The following GALNTL6 variants were observed in gnomAD, a reference collection of about 807,000 sequenced individuals.
GALNTL6 encodes polypeptide N-acetylgalactosaminyltransferase like 6.
In GALNTL6, 46 loss-of-function variants were observed where a neutral mutation model predicts 73.7. The observed-to-expected ratio is 0.62, with a 90% CI of 0.49 to 0.80. The LOEUF (loss-of-function observed/expected upper bound fraction) is 0.80, where lower values mean the gene tolerates loss of function less well. Among genes scored for constraint, GALNTL6 ranks in the 30% least tolerant of loss-of-function variants. GALNTL6 has a pLI of 0.00. For missense variants in GALNTL6, 604 were observed against 755.0 expected (o/e 0.80, Z 2.34); for synonymous variants, 259 against 263.7 (o/e 0.98, Z 0.17).
At chr4:172,770,226 A>G (rs1214305952) in intron 5 of GALNTL6, among the ~76,000 whole-genome samples, 1 of 151,852 alleles carries the variant, frequency 6.6e-6, no homozygotes, top group Non-Finnish European at 1.5e-5. Flanking sequence ...AGATGGCACC[A>G]TTGCACTCCA....
intron 2 of GALNTL6, among the ~76,000 whole-genome samples, chr4:172,004,651 A>G (rs1386396582): frequency 6.6e-6 from 1 of 152,156 alleles, no homozygotes; most frequent in African/African-American, 2.4e-5. Flanking sequence ...TTTATAAAAT[A>G]TGCTCTAATA....
At chr4:172,905,943 A>G (rs1386021815) in intron 8 of GALNTL6, among the ~76,000 whole-genome samples, 2 of 152,098 alleles carry the variant, frequency 1.3e-5, no homozygotes, top group Non-Finnish European at 2.9e-5. Context: ...AGGATGGCAA[A>G]ACAGGGCCAT....
chr4:172,459,162 A>T (rs1367904093), intron 5 of GALNTL6, among the ~76,000 whole-genome samples: 1 of 152,106 alleles, frequency 6.6e-6, no homozygotes, highest in South Asian at 2.1e-4. Flanking sequence ...AAAATTCAAC[A>T]CCCCTTCATG....
intron 2 of GALNTL6, among the ~76,000 whole-genome samples, chr4:172,153,257 T>C (rs1734154181): frequency 6.6e-6 from 1 of 152,148 alleles, no homozygotes; most frequent in South Asian, 2.1e-4. Context: ...CCTCATTGCT[T>C]TTAAGAAGGC....
chr4:171,941,987 A>C (rs1738560194), intron 2 of GALNTL6, among the ~76,000 whole-genome samples: 1 of 151,104 alleles, frequency 6.6e-6, no homozygotes, highest in African/African-American at 2.5e-5. Flanking sequence ...TGTAGCTATT[A>C]ATAGTTTTCA....
rs149066759 is a variant in GALNTL6 at position 172,613,159 on chromosome 4, A to G, written c.554-196202A>G. 8.4e-4 allele frequency among the ~76,000 whole-genome samples: 128 copies of G among 152,278 alleles called. 1 individual carries two copies. Among genetic ancestry groups the G allele is most frequent in the African/African-American group, 3.0e-3 (123 of 41,570 alleles). On this transcript the variant is annotated intron_variant, in intron 5 of 12. Coordinates refer to ENST00000506823, the MANE Select transcript of GALNTL6 (RefSeq NM_001034845.3). Reference sequence around the variant, plus strand: ...TAGGGCTTATTTCCCAGGATAAGAGATAGACATATAGATGCTGGGGGAAGG... The same window carrying G: ...TAGGGCTTATTTCCCAGGATAAGAGGTAGACATATAGATGCTGGGGGAAGG...
At chr4:172,288,407 TAA>T (rs1270048397) in intron 3 of GALNTL6, among the ~76,000 whole-genome samples, 1 of 152,130 alleles carries the variant, frequency 6.6e-6, no homozygotes, top group Non-Finnish European at 1.5e-5. Flanking sequence ...ATTTTTTTTG[TAA>T]GAAATAAATG....
intron 5 of GALNTL6, among the ~76,000 whole-genome samples, chr4:172,735,767 G>T (rs984162900): frequency 1.3e-5 from 2 of 152,046 alleles, no homozygotes; most frequent in African/African-American, 4.8e-5. Context: ...GTTATCAGGG[G>T]TACCAGCCCC....
At chr4:172,708,255 G>A (rs1431984210) in intron 5 of GALNTL6, among the ~76,000 whole-genome samples, 1 of 152,106 alleles carries the variant, frequency 6.6e-6, no homozygotes, top group African/African-American at 2.4e-5. Flanking sequence ...TTGCTATGTT[G>A]CCAGGCAACA....
intron 5 of GALNTL6, among the ~76,000 whole-genome samples, chr4:172,748,216 T>C (rs1737223184): frequency 6.6e-6 from 1 of 152,080 alleles, no homozygotes; most frequent in African/African-American, 2.4e-5. Context: ...GGGATGAGGG[T>C]GGACGGAGCC....
At chr4:172,606,564 T>TATATAC (rs1342765858) in intron 5 of GALNTL6, among the ~76,000 whole-genome samples, 5 of 136,296 alleles carry the variant, frequency 3.7e-5, no homozygotes, top group African/African-American at 8.4e-5. Flanking sequence ...TATATATATA[T>TATATAC]ACATATACAT....
intron 5 of GALNTL6, among the ~76,000 whole-genome samples, chr4:172,512,560 G>C (rs536535170): frequency 6.6e-6 from 1 of 152,020 alleles, no homozygotes; most frequent in Non-Finnish European, 1.5e-5. Flanking sequence ...CTCTAAGAAG[G>C]TTCTATTTTG....
intron 10 of GALNTL6, among the ~76,000 whole-genome samples, chr4:172,988,044 T>C (rs971021308): frequency 6.6e-6 from 1 of 152,118 alleles, no homozygotes. Flanking sequence ...TACCTGAAAA[T>C]GTGGAAGCAG....
intron 3 of GALNTL6, among the ~76,000 whole-genome samples, chr4:172,249,232 G>A (rs552211415): frequency 1.3e-5 from 2 of 152,172 alleles, no homozygotes; most frequent in Non-Finnish European, 2.9e-5. Context: ...CTGGAGTAAG[G>A]TCACTCTTGC....
At chr4:172,927,206 G>A (rs1399493467) in intron 8 of GALNTL6, among the ~76,000 whole-genome samples, 1 of 152,152 alleles carries the variant, frequency 6.6e-6, no homozygotes, top group Non-Finnish European at 1.5e-5. Flanking sequence ...TGGCCCAGAG[G>A]TGATGCACAT....
In GALNTL6 at chr4:172,739,989, G is replaced by A. The variant is rs142140352; in HGVS notation, c.554-69372G>A. 1.5e-4 allele frequency among the ~76,000 whole-genome samples: 23 copies of A among 151,460 alleles called. No individual in the cohort carries two copies. In the East Asian group the frequency reaches 4.5e-3, roughly 29 times the overall value. On this transcript the variant is annotated intron_variant, in intron 5 of 12. Coordinates refer to ENST00000506823, the MANE Select transcript of GALNTL6 (RefSeq NM_001034845.3). ...TGGCTACATGTTTTAATTTTCAGAG[G>A]CACCATATCTTACTGATAATAAAAG... is the stretch of plus-strand genomic sequence containing the variant.
At chr4:172,157,680 T>A (rs1312963446) in intron 2 of GALNTL6, among the ~76,000 whole-genome samples, 1 of 152,188 alleles carries the variant, frequency 6.6e-6, no homozygotes, top group Non-Finnish European at 1.5e-5. Flanking sequence ...TTCAAAATAC[T>A]TTTATTACTA....
chr4:172,004,567 T>C (rs1393669106), intron 2 of GALNTL6, among the ~76,000 whole-genome samples: 4 of 152,130 alleles, frequency 2.6e-5, no homozygotes, highest in Admixed American at 2.6e-4. Context: ...ATATTGCCAA[T>C]ACTTTAATAA....
At chr4:172,901,378 A>C (rs1165110252) in intron 8 of GALNTL6, among the ~76,000 whole-genome samples, 1 of 152,220 alleles carries the variant, frequency 6.6e-6, no homozygotes, top group East Asian at 1.9e-4. Context: ...AAAATAGAAG[A>C]TAAAAATCAA....
Sources: gnomAD v4.1 joint callset for allele counts (sites outside exome capture counted in the v4.1 genomes callset) on GRCh38, gnomAD v4.1.1 for gene constraint, MANE v1.5 for transcripts, NCBI Gene and HGNC (gene_info 2026-07-23, HGNC 2026-07-21) for gene names.